Variants in SYT11 observed in about 807,000 individuals in gnomAD.
The protein encoded by SYT11 is synaptotagmin-11.
Under a neutral mutation model 30.4 loss-of-function variants are expected in SYT11, and 12 were observed. The ratio of observed to expected loss-of-function variants is 0.39; its 90% CI spans 0.25 to 0.64. The LOEUF is 0.64. Among genes scored for constraint, SYT11 ranks in the 30% least tolerant of loss-of-function variants. SYT11 has a pLI of 0.45. For missense variants in SYT11, 412 were observed against 552.0 expected, an observed-to-expected ratio of 0.75 and a Z score of 2.54; for synonymous variants, 204 against 216.0, an observed-to-expected ratio of 0.94 and a Z score of 0.49.
In SYT11 at chr1:155,868,265, G is replaced by C. The variant is rs1557947267; in HGVS notation, c.335G>C (p.Gly112Ala). Residue 112 changes from glycine to alanine, a missense_variant, in exon 2 of 4, where the codon GGG (glycine) becomes GCG (alanine). Coordinates refer to ENST00000368324, the MANE Select transcript of SYT11 (RefSeq NM_152280.5). The surrounding 1 kb of genome is among the most constrained non-coding windows in gnomAD (Gnocchi z 4.7). Reference protein sequence around the residue: ...GLLSRDKDPRGPSSGSCIDQL... With the variant: ...GLLSRDKDPRAPSSGSCIDQL... Reference sequence around the variant, plus strand: ...CTAAGCCGAGACAAAGATCCCAGGGGGCCTAGCTCTGGATCTTGTATAGAC... The same window carrying C: ...CTAAGCCGAGACAAAGATCCCAGGGCGCCTAGCTCTGGATCTTGTATAGAC... 2.5e-6 allele frequency: 4 copies of C among 1,613,902 alleles called. No homozygotes were observed. The African/African-American group carries it at 5.3e-5, about 22-fold the overall frequency.
In SYT11 at chr1:155,868,895, G is replaced by A. The variant is rs534098616; in HGVS notation, c.861+104G>A. Reference sequence around the variant, plus strand: ...GGAGTGGGTTGGGTGGCAAAGAAGGGCTGTAGAGAGGAAGCTCTTGGATGT... The same window carrying A: ...GGAGTGGGTTGGGTGGCAAAGAAGGACTGTAGAGAGGAAGCTCTTGGATGT... On this transcript the variant is annotated intron_variant, in intron 2 of 3. Transcript: ENST00000368324. The surrounding 1 kb of genome is among the most constrained non-coding windows in gnomAD (Gnocchi z 4.7). 1.2e-4 allele frequency: 127 copies of A among 1,093,766 alleles called. No individual in the cohort carries two copies. Among genetic ancestry groups the A allele is most frequent in the South Asian group, 4.7e-4 (30 of 63,828 alleles). The allele number at this position is 1,093,766 out of a possible 1,614,324, so 67.8% of individuals were successfully genotyped here. A position where few individuals can be genotyped will look rare whatever the true frequency, so the allele number is the denominator to read the frequency against.
chr1:155,881,185 T>G lies in SYT11; in HGVS notation c.986-13T>G. The G allele has an allele frequency of 6.2e-7, 1 of 1,607,076 alleles. No homozygotes were observed. Among genetic ancestry groups the G allele is most frequent in the Non-Finnish European group, 8.5e-7 (1 of 1,175,928 alleles). ...GTCTGTCTCCCTTTTTCTTATCTCTTTGGGGGCCCCAGATCCTTATGTCAA... is the reference window on the plus strand; with the variant it reads ...GTCTGTCTCCCTTTTTCTTATCTCTGTGGGGGCCCCAGATCCTTATGTCAA... On this transcript the variant is annotated splice_polypyrimidine_tract_variant and intron_variant, in intron 3 of 3. Coordinates refer to ENST00000368324, the MANE Select transcript of SYT11 (RefSeq NM_152280.5).
At position 155,868,695 on chromosome 1, in the gene SYT11, T is replaced by C; in HGVS notation, c.765T>C (p.Asp255=). The C allele has an allele frequency of 6.2e-7, 1 of 1,614,222 alleles. No individual in the cohort carries two copies. The highest frequency in any genetic ancestry group is 8.5e-7 in the Non-Finnish European group (1 of 1,180,048). Residue 255 remains aspartate, a synonymous_variant, in exon 2 of 4, where the codon GAT becomes GAC. Coordinates refer to ENST00000368324, the MANE Select transcript of SYT11 (RefSeq NM_152280.5). The surrounding 1 kb of genome is among the most constrained non-coding windows in gnomAD (Gnocchi z 4.7). Reference sequence around the variant, plus strand: ...TCAGCTTTGACCGCTTCTCTCGGGATGATGTCATTGGCGAGGTCATGGTGC... The same window carrying C: ...TCAGCTTTGACCGCTTCTCTCGGGACGATGTCATTGGCGAGGTCATGGTGC... ...LVLSFDRFSR[D]DVIGEVMVPL...
chr1:155,868,245 C>G lies in SYT11; in HGVS notation c.315C>G (p.Ser105Arg), dbSNP rs766360750. ...ACGCAGCAGAGGCTGGCCTGCTAAG[C>G]CGAGACAAAGATCCCAGGGGGCCTA... ...LVDAAEAGLL[S>R]RDKDPRGPSS... Residue 105 changes from serine to arginine, a missense_variant, in exon 2 of 4, where the codon AGC (serine) becomes AGG (arginine). Physicochemically the swap from Ser to Arg is moderately radical, Grantham distance 110. Coordinates refer to ENST00000368324, the MANE Select transcript of SYT11 (RefSeq NM_152280.5). The surrounding 1 kb of genome is among the most constrained non-coding windows in gnomAD (Gnocchi z 4.7). The G allele has an allele frequency of 9.4e-5, 151 of 1,613,956 alleles. No individual in the cohort carries two copies. The highest frequency in any genetic ancestry group is 1.6e-4 in the Middle Eastern group (1 of 6,084).
Position 155,868,857 on chromosome 1 carries a change from T to C in SYT11, c.861+66T>C. On this transcript the variant is annotated intron_variant, in intron 2 of 3. Transcript: ENST00000368324. The surrounding 1 kb of genome is among the most constrained non-coding windows in gnomAD (Gnocchi z 4.7). Reference sequence around the variant, plus strand: ...GGGAGAAAATATCTCAGGGGATAAATGGAAGTGGGAGGGGAGTGGGTTGGG... The same window carrying C: ...GGGAGAAAATATCTCAGGGGATAAACGGAAGTGGGAGGGGAGTGGGTTGGG... 2 of 1,476,592 alleles carry C rather than the reference T, an allele frequency of 1.4e-6. No individual in the cohort carries two copies. The highest frequency in any genetic ancestry group is 1.3e-5 in the South Asian group (1 of 76,864). The allele number at this position is 1,476,592 out of a possible 1,614,324, so 91.5% of individuals were successfully genotyped here. A position where few individuals can be genotyped will look rare whatever the true frequency, so the allele number is the denominator to read the frequency against.
rs188035474 is a variant in SYT11, at chr1:155,881,534, C to G, written c.*26C>G. ...TCCTGTTCTTCTCTCCTCTAATCCC[C>G]GGGGGCCAAGCTGGGGAGGGATGTG... is the stretch of plus-strand genomic sequence containing the variant. On this transcript the variant is annotated 3_prime_UTR_variant, in exon 4 of 4. Coordinates refer to ENST00000368324, the MANE Select transcript of SYT11 (RefSeq NM_152280.5). 1.6e-4 allele frequency: 250 copies of G among 1,558,126 alleles called. No homozygotes were observed. The highest frequency in any genetic ancestry group is 1.9e-4 in the Non-Finnish European group (221 of 1,146,778).
intron 1 of SYT11, among the ~76,000 whole-genome samples, chr1:155,865,740 C>T (rs1001052162): frequency 2.6e-5 from 4 of 151,732 alleles, no homozygotes; most frequent in Non-Finnish European, 5.9e-5. Context: ...TGCAGTGGCA[C>T]GATTTTAACT....
chr1:155,872,584 C>T (rs979436263), intron 2 of SYT11, among the ~76,000 whole-genome samples: 1 of 152,204 alleles, frequency 6.6e-6, no homozygotes, highest in Non-Finnish European at 1.5e-5. Flanking sequence ...TGAGAAAATC[C>T]TTTCTCCCCC....
In SYT11 at chr1:155,868,340, C is replaced by T. The variant is rs1409900875; in HGVS notation, c.410C>T (p.Thr137Ile). The change falls in exon 2 of 4, where the codon ACA becomes ATA. Residue 137 changes from threonine (T) to isoleucine (I), a missense_variant. Thr to Ile is a moderately conservative substitution (Grantham distance 89). Coordinates refer to ENST00000368324, the MANE Select transcript of SYT11 (RefSeq NM_152280.5). The surrounding 1 kb of genome is among the most constrained non-coding windows in gnomAD (Gnocchi z 4.7). ...GGGGAAGAACTAAGGAGCCCTATTA[C>T]AAGCCTGACCCCTGGGGAGAGCAAA... The part of the protein sequence containing the change: ...DYGEELRSPI[T>I]SLTPGESKTT... The T allele has an allele frequency of 6.2e-7, 1 of 1,614,054 alleles. No homozygotes were observed.
At chr1:155,877,553 A>ATTTT (rs35826776) in intron 2 of SYT11, among the ~76,000 whole-genome samples, 13 of 134,088 alleles carry the variant, frequency 9.7e-5, no homozygotes, top group African/African-American at 3.6e-4. Flanking sequence ...CGCCCAGCTA[A>ATTTT]TTTTTTTTTT....
chr1:155,877,027 CT>C (rs1672873979), intron 2 of SYT11, among the ~76,000 whole-genome samples: 1 of 146,352 alleles, frequency 6.8e-6, no homozygotes, highest in African/African-American at 2.5e-5. Context: ...AGTGCAGTGA[CT>C]ACAATCTCGG....
At position 155,866,323 on chromosome 1, in the gene SYT11, G is replaced by C. The variant is rs149301441; in HGVS notation, c.35-1642G>C. ...GCAGAGACAGGGTTTCGCCATGTTGGCCAGGCTGGTTTTGAACTCCTGACC... is the reference window on the plus strand; with the variant it reads ...GCAGAGACAGGGTTTCGCCATGTTGCCCAGGCTGGTTTTGAACTCCTGACC... On this transcript the variant is annotated intron_variant, in intron 1 of 3. Transcript: ENST00000368324. 2.6e-3 allele frequency among the ~76,000 whole-genome samples: 402 copies of C among 152,090 alleles called. 4 individuals carry two copies. Among genetic ancestry groups the C allele is most frequent in the African/African-American group, 9.5e-3 (393 of 41,516 alleles).
In SYT11 at chr1:155,860,265, C is replaced by G. The variant is rs1285798044; in HGVS notation, c.34+470C>G. Reference sequence around the variant, plus strand: ...AGATGGCAGCTTGGAGACTGTGGGCCGTGTGGCTGGCAGCCAGGGGAGGCG... The same window carrying G: ...AGATGGCAGCTTGGAGACTGTGGGCGGTGTGGCTGGCAGCCAGGGGAGGCG... On this transcript the variant is annotated intron_variant, in intron 1 of 3. Coordinates refer to ENST00000368324, the MANE Select transcript of SYT11 (RefSeq NM_152280.5). This position sits in a 1 kb window ranked among gnomAD's most constrained non-coding sequence, Gnocchi z 4.1. 6.6e-6 allele frequency among the ~76,000 whole-genome samples: 1 copy of G among 151,500 alleles called. No individual in the cohort carries two copies. Among genetic ancestry groups the G allele is most frequent in the Non-Finnish European group, 1.5e-5 (1 of 67,896 alleles).
intron 1 of SYT11, 95 bp downstream of exon 1, chr1:155,859,890 G>A: frequency 8.0e-7 from 1 of 1,249,076 alleles, no homozygotes; most frequent in African/African-American, 1.5e-5. Context: ...GCCCAGACCA[G>A]AGCCTTCAAA....
chr1:155,879,599 G>A (rs1161031929), intron 2 of SYT11, among the ~76,000 whole-genome samples: 2 of 152,162 alleles, frequency 1.3e-5, no homozygotes, highest in African/African-American at 4.8e-5. Flanking sequence ...CCTGTGAAAT[G>A]CAGGGACAGG....
chr1:155,871,020 T>C (rs1452482622), intron 2 of SYT11, among the ~76,000 whole-genome samples: 1 of 152,224 alleles, frequency 6.6e-6, no homozygotes, highest in Non-Finnish European at 1.5e-5. Context: ...ATCCACCTAA[T>C]ACAAGGGCTC....
In SYT11 at chr1:155,882,062, G is replaced by A. The variant is rs954798951; in HGVS notation, c.*554G>A. The A allele has an allele frequency of 1.3e-5, 2 of 151,306 alleles. No homozygotes were observed. Among genetic ancestry groups the A allele is most frequent in the Admixed American group, 6.6e-5 (1 of 15,156 alleles). The allele number at this position is 151,306 out of a possible 1,614,324, so 9.4% of individuals were successfully genotyped here. On this transcript the variant is annotated 3_prime_UTR_variant, in exon 4 of 4. Transcript: ENST00000368324. ...TGTTTTGTTTTTTTTTTTTAATGGG[G>A]GACAAAAGAGAGGGAAAGACCCCTA...
chr1:155,878,489 T>C (rs1253577130), intron 2 of SYT11, among the ~76,000 whole-genome samples: 1 of 152,210 alleles, frequency 6.6e-6, no homozygotes, highest in Non-Finnish European at 1.5e-5. Flanking sequence ...TCAATCTGCC[T>C]GATATGATCA....
At chr1:155,872,510 C>G (rs575775719) in intron 2 of SYT11, among the ~76,000 whole-genome samples, 22 of 152,328 alleles carry the variant, frequency 1.4e-4, no homozygotes, top group African/African-American at 4.3e-4. Flanking sequence ...TCCTGTTCCT[C>G]TGTTCCACTG....
Sources: allele counts gnomAD v4.1 joint callset (sites outside exome capture counted in the v4.1 genomes callset), GRCh38; gene constraint gnomAD v4.1.1; non-coding constraint Gnocchi (gnomAD v3.1); transcripts MANE v1.5; gene names NCBI Gene and HGNC (gene_info 2026-07-23, HGNC 2026-07-21).